Variants in FOXP1 observed in about 807,000 individuals in gnomAD.
The protein encoded by FOXP1 is forkhead box protein P1.
In FOXP1, 15 loss-of-function variants were observed where a neutral mutation model predicts 98.2. That is an observed-to-expected ratio of 0.15 (90% CI 0.10 to 0.24). The LOEUF (loss-of-function observed/expected upper bound fraction) is 0.24, where lower values mean the gene tolerates loss of function less well. Ranked by LOEUF, FOXP1 falls within the 10% of genes least tolerant of loss-of-function variation. FOXP1 has a pLI of 1.00. For missense variants in FOXP1, 633 were observed against 848.5 expected, an observed-to-expected ratio of 0.75 and a Z score of 3.15; for synonymous variants, 371 against 314.5, an observed-to-expected ratio of 1.18 and a Z score of -1.90.
At chr3:71,364,131 T>C (rs544177113) in intron 3 of FOXP1, among the ~76,000 whole-genome samples, 1 of 152,294 alleles carries the variant, frequency 6.6e-6, no homozygotes, top group South Asian at 2.1e-4. Context: ...ATTTCAAAAA[T>C]TTCAAATTCT....
intron 5 of FOXP1, among the ~76,000 whole-genome samples, chr3:71,247,723 C>T (rs1410478612): frequency 1.3e-5 from 2 of 152,184 alleles, no homozygotes; most frequent in Admixed American, 6.5e-5. Flanking sequence ...TGGGGAAACG[C>T]CCATTCTCCA....
At chr3:71,402,995 G>A (rs533589472) in intron 3 of FOXP1, among the ~76,000 whole-genome samples, 4 of 152,270 alleles carry the variant, frequency 2.6e-5, no homozygotes, top group South Asian at 4.2e-4. Flanking sequence ...AATCAACTAG[G>A]TTGTCTTTTT....
Position 71,320,838 on chromosome 3 carries a change from A to C in FOXP1, c.-72-20958T>G, listed in dbSNP as rs189970557. Reference sequence around the variant, plus strand: ...ACAATGGTTCAGCAACACGCGGCCAAGCAAATCAAGTCTGCATAGTATTTG... The same window carrying C: ...ACAATGGTTCAGCAACACGCGGCCACGCAAATCAAGTCTGCATAGTATTTG... On this transcript the variant is annotated intron_variant, in intron 4 of 20. Coordinates refer to ENST00000649528, the MANE Select transcript of FOXP1 (RefSeq NM_001349338.3). Among the ~76,000 whole-genome samples, 31 of 152,324 alleles carry C rather than the reference A, an allele frequency of 2.0e-4. No individual in the cohort carries two copies. In the East Asian group the frequency reaches 5.6e-3, roughly 27 times the overall value.
intron 6 of FOXP1, among the ~76,000 whole-genome samples, chr3:71,171,564 T>C (rs1419902146): frequency 1.3e-5 from 2 of 152,232 alleles, no homozygotes; most frequent in East Asian, 1.9e-4. Flanking sequence ...TCATCTATTA[T>C]CCAGAGTGTG....
At chr3:71,181,795 G>C (rs1363122371) in intron 6 of FOXP1, among the ~76,000 whole-genome samples, 4 of 152,134 alleles carry the variant, frequency 2.6e-5, no homozygotes, top group African/African-American at 9.7e-5. Flanking sequence ...CACTTTGAGA[G>C]GCTGAGGAGG....
At chr3:71,397,075 CATATATATGTGTATATATATATATACAT>C (rs2081551380) in intron 3 of FOXP1, among the ~76,000 whole-genome samples, 5 of 38,490 alleles carry the variant, frequency 1.3e-4, no homozygotes, top group African/African-American at 3.6e-4. Flanking sequence ...TATATATATA[CATATATATGTGTATATATATATATACAT>C]ATATATATAT....
chr3:71,072,481 G>A (rs889047543), intron 7 of FOXP1, among the ~76,000 whole-genome samples: 7 of 152,250 alleles, frequency 4.6e-5, no homozygotes, highest in African/African-American at 9.6e-5. Context: ...AACCCAAAAC[G>A]TTTACTGGGA....
intron 5 of FOXP1, among the ~76,000 whole-genome samples, chr3:71,205,043 G>C (rs539310604): frequency 1.3e-5 from 2 of 152,108 alleles, no homozygotes; most frequent in African/African-American, 4.8e-5. Context: ...TCTAAAGCAT[G>C]GCAGTTCAAA....
At chr3:71,583,807 TGGCGGCGGC>T (rs535627863), upstream of FOXP1, 9 of 986,568 alleles carry the variant, frequency 9.1e-6, no homozygotes, top group Admixed American at 6.2e-5. Flanking sequence ...CCAGCGCCGG[TGGCGGCGGC>T]GGCGGCGGCA....
chr3:71,374,227 G>A (rs965773302), intron 3 of FOXP1, among the ~76,000 whole-genome samples: 1 of 152,196 alleles, frequency 6.6e-6, no homozygotes, highest in Non-Finnish European at 1.5e-5. Flanking sequence ...AAACACAGAA[G>A]TATTTCTGTA....
At chr3:71,238,611 C>T (rs1029896746) in intron 5 of FOXP1, among the ~76,000 whole-genome samples, 7 of 152,204 alleles carry the variant, frequency 4.6e-5, no homozygotes, top group African/African-American at 1.7e-4. Context: ...AATAACAGCA[C>T]CTATCCTGAA....
Position 71,198,203 on chromosome 3 carries a change from T to C in FOXP1, c.179A>G (p.Gln60Arg), listed in dbSNP as rs374060287. ...DLAHAQQQQQ[Q>R]ALQVARQLLL... ...TCCCAAGACTCCAAAGCCCAGTACC[T>C]GTTGCTGCTGCTGCTGGGCGTGGGC... The change falls in exon 6 of 21, where the codon CAG (glutamine) becomes CGG (arginine). Residue 60 changes from glutamine to arginine, a missense_variant and splice_region_variant. This residue lies in a region of FOXP1 where 103 missense variants were observed against 85.5 expected (regional missense o/e 1.20). Transcript: ENST00000649528. 84 of 1,613,982 alleles carry C rather than the reference T, an allele frequency of 5.2e-5. No homozygotes were observed. The highest frequency in any genetic ancestry group is 7.0e-5 in the Non-Finnish European group (83 of 1,180,040).
chr3:71,574,697 T>C (rs2047593953), intron 2 of FOXP1, among the ~76,000 whole-genome samples: 1 of 152,174 alleles, frequency 6.6e-6, no homozygotes, highest in Non-Finnish European at 1.5e-5. Flanking sequence ...AAAAAAATTC[T>C]AGAGAGTCAT....
intron 4 of FOXP1, among the ~76,000 whole-genome samples, chr3:71,337,648 C>T (rs557306219): frequency 6.6e-6 from 1 of 152,090 alleles, no homozygotes; most frequent in Non-Finnish European, 1.5e-5. Context: ...GATATGAAAC[C>T]ATTTTATGCC....
chr3:71,477,080 T>C (rs1306339849), intron 3 of FOXP1, among the ~76,000 whole-genome samples: 1 of 152,212 alleles, frequency 6.6e-6, no homozygotes, highest in African/African-American at 2.4e-5. Flanking sequence ...GAGCTAGTGT[T>C]GCAGATACAG....
chr3:71,235,598 A>G (rs2066701357), intron 5 of FOXP1, among the ~76,000 whole-genome samples: 2 of 151,490 alleles, frequency 1.3e-5, no homozygotes, highest in Non-Finnish European at 2.9e-5. Context: ...ATGGAGTCTC[A>G]CTCTGTTGCC....
At chr3:71,342,877 T>C (rs918325445) in intron 4 of FOXP1, among the ~76,000 whole-genome samples, 4 of 152,168 alleles carry the variant, frequency 2.6e-5, no homozygotes, top group Admixed American at 1.3e-4. Flanking sequence ...GAAATTAGCA[T>C]TGACATATTA....
At chr3:71,367,091 T>C (rs963538963) in intron 3 of FOXP1, among the ~76,000 whole-genome samples, 1 of 152,168 alleles carries the variant, frequency 6.6e-6, no homozygotes, top group Admixed American at 6.5e-5. Flanking sequence ...AGTTTGGCAT[T>C]TCATAAATAT....
chr3:71,192,794 C>T (rs1020726283), intron 6 of FOXP1, among the ~76,000 whole-genome samples: 11 of 152,094 alleles, frequency 7.2e-5, no homozygotes, highest in African/African-American at 2.7e-4. Flanking sequence ...GGACCACAGG[C>T]ATGTGCCATC....
Sources: gnomAD v4.1 joint callset for allele counts (sites outside exome capture counted in the v4.1 genomes callset) on GRCh38, gnomAD v4.1.1 for gene constraint, gnomAD v4.1.1 regional missense constraint, MANE v1.5 for transcripts, NCBI Gene and HGNC (gene_info 2026-07-23, HGNC 2026-07-21) for gene names.